The following HS6ST3 variants were observed in gnomAD, a reference collection of about 807,000 sequenced individuals.
HS6ST3 encodes the protein heparan-sulfate 6-O-sulfotransferase 3.
Under a neutral mutation model 36.7 loss-of-function variants are expected in HS6ST3, and 12 were observed. The ratio of observed to expected loss-of-function variants is 0.33; its 90% confidence interval spans 0.21 to 0.53. HS6ST3 has a LOEUF of 0.53. Among genes scored for constraint, HS6ST3 ranks in the 20% least tolerant of loss-of-function variants. The pLI, the probability that HS6ST3 is intolerant of heterozygous loss-of-function variation, is 0.95. For missense variants in HS6ST3, 584 were observed against 640.9 expected, an observed-to-expected ratio of 0.91 and a Z score of 0.96; for synonymous variants, 240 against 257.5, an observed-to-expected ratio of 0.93 and a Z score of 0.65.
chr13:96,203,910 T>C (rs1162084409), intron 1 of HS6ST3, among the ~76,000 whole-genome samples: 1 of 152,178 alleles, frequency 6.6e-6, no homozygotes, highest in East Asian at 1.9e-4. Flanking sequence ...AAGATTACTA[T>C]CTATTTGGTA....
chr13:96,416,586 G>C (rs946543296), intron 1 of HS6ST3, among the ~76,000 whole-genome samples: 1 of 151,742 alleles, frequency 6.6e-6, no homozygotes, highest in Non-Finnish European at 1.5e-5. Context: ...TCAATAAATT[G>C]ATTGATTGGA....
intron 1 of HS6ST3, among the ~76,000 whole-genome samples, chr13:96,124,004 G>A (rs2139307777): frequency 6.6e-6 from 1 of 152,296 alleles, no homozygotes; most frequent in Non-Finnish European, 1.5e-5. Context: ...TTATTGGAAT[G>A]TTAATCGTAT....
At chr13:96,618,221 C>T (rs2056481495) in intron 1 of HS6ST3, among the ~76,000 whole-genome samples, 1 of 152,090 alleles carries the variant, frequency 6.6e-6, no homozygotes. Flanking sequence ...CTCACAGCCT[C>T]CTGAGTGGCT....
At chr13:96,442,235 AAC>A (rs1436333948) in intron 1 of HS6ST3, among the ~76,000 whole-genome samples, 2 of 152,170 alleles carry the variant, frequency 1.3e-5, no homozygotes, top group East Asian at 3.8e-4. Flanking sequence ...ACTGGTCTTG[AAC>A]TCCTGAGCTC....
At chr13:96,335,786 A>G (rs2055097859) in intron 1 of HS6ST3, among the ~76,000 whole-genome samples, 1 of 152,196 alleles carries the variant, frequency 6.6e-6, no homozygotes. Context: ...AATGGCTTGC[A>G]TATTTCACTG....
rs7325316 is a variant in HS6ST3, at chr13:96,300,280, C to G, written c.707+208711C>G. ...CCATGTTGGCCAGGCTGGTCTCAAACTCTTGACCTCAGGTGATCCACCCGT... is the reference window on the plus strand; with the variant it reads ...CCATGTTGGCCAGGCTGGTCTCAAAGTCTTGACCTCAGGTGATCCACCCGT... On this transcript the variant is annotated intron_variant, in intron 1 of 1. Transcript: ENST00000376705. Among the ~76,000 whole-genome samples the G allele has an allele frequency of 3.3e-3, 504 of 151,994 alleles. 4 individuals carry two copies. The highest frequency in any genetic ancestry group is 0.012 in the African/African-American group (483 of 41,428).
intron 1 of HS6ST3, among the ~76,000 whole-genome samples, chr13:96,279,618 T>TGGG (rs1430177638): frequency 1.3e-5 from 2 of 152,104 alleles, no homozygotes; most frequent in East Asian, 3.9e-4. Context: ...ACCATGGCCA[T>TGGG]TCTTATTAAA....
intron 1 of HS6ST3, among the ~76,000 whole-genome samples, chr13:96,263,853 A>G (rs116406846): frequency 0.011 from 1,748 of 152,334 alleles, 35 homozygotes; most frequent in African/African-American, 0.04. Context: ...TTGATTAACA[A>G]ATCCCTGGGA....
At chr13:96,694,928 C>T (rs514895) in intron 1 of HS6ST3, among the ~76,000 whole-genome samples, 2,270 of 152,136 alleles carry the variant, frequency 0.015, 55 homozygotes, top group African/African-American at 0.051. Flanking sequence ...ATTTTTACAG[C>T]GACATAGACA....
At chr13:96,362,578 G>A (rs1347336063) in intron 1 of HS6ST3, among the ~76,000 whole-genome samples, 2 of 152,132 alleles carry the variant, frequency 1.3e-5, no homozygotes, top group African/African-American at 4.8e-5. Context: ...CTTGCTGTGT[G>A]AATCTCACTG....
intron 1 of HS6ST3, among the ~76,000 whole-genome samples, chr13:96,575,637 G>A (rs1177382176): frequency 2.0e-5 from 3 of 152,196 alleles, no homozygotes; most frequent in African/African-American, 7.2e-5. Flanking sequence ...TAACAGGTTT[G>A]GAATCTTCAC....
At chr13:96,452,296 C>T (rs1463397463) in intron 1 of HS6ST3, among the ~76,000 whole-genome samples, 1 of 152,046 alleles carries the variant, frequency 6.6e-6, no homozygotes, top group Non-Finnish European at 1.5e-5. Context: ...AGTTTGTGCT[C>T]CAAACAAATG....
intron 1 of HS6ST3, among the ~76,000 whole-genome samples, chr13:96,701,207 T>A (rs1267299394): frequency 1.3e-5 from 2 of 152,196 alleles, no homozygotes; most frequent in Non-Finnish European, 1.5e-5. Flanking sequence ...AACATTTCTA[T>A]CATGACGACT....
intron 1 of HS6ST3, among the ~76,000 whole-genome samples, chr13:96,798,292 A>G (rs1263572314): frequency 6.6e-6 from 1 of 151,936 alleles, no homozygotes; most frequent in African/African-American, 2.4e-5. Context: ...GCTACATTAC[A>G]TGGGCCCAAT....
intron 1 of HS6ST3, among the ~76,000 whole-genome samples, chr13:96,654,758 T>C (rs1270568208): frequency 1.3e-5 from 2 of 152,266 alleles, no homozygotes; most frequent in Non-Finnish European, 2.9e-5. Flanking sequence ...AACTACTGCT[T>C]GTAAAAACTA....
At chr13:96,446,445 A>G (rs1345092063) in intron 1 of HS6ST3, among the ~76,000 whole-genome samples, 4 of 152,148 alleles carry the variant, frequency 2.6e-5, no homozygotes, top group Non-Finnish European at 5.9e-5. Context: ...AACTCTTTAT[A>G]TGTGCCAAGA....
At chr13:96,533,490 A>G (rs2056143718) in intron 1 of HS6ST3, among the ~76,000 whole-genome samples, 1 of 152,218 alleles carries the variant, frequency 6.6e-6, no homozygotes, top group Non-Finnish European at 1.5e-5. Flanking sequence ...ACAGAAGTCT[A>G]TTGAAAATCT....
intron 1 of HS6ST3, among the ~76,000 whole-genome samples, chr13:96,662,811 G>C (rs2056651007): frequency 6.6e-6 from 1 of 152,012 alleles, no homozygotes; most frequent in Non-Finnish European, 1.5e-5. Context: ...TTGAGAGTGT[G>C]ACTTTATATT....
At chr13:96,410,434 T>G (rs2055501575) in intron 1 of HS6ST3, among the ~76,000 whole-genome samples, 1 of 152,152 alleles carries the variant, frequency 6.6e-6, no homozygotes, top group East Asian at 1.9e-4. Context: ...AAAGCCATAA[T>G]GAGATATCTT....
Sources: allele counts gnomAD v4.1 joint callset (sites outside exome capture counted in the v4.1 genomes callset), GRCh38; gene constraint gnomAD v4.1.1; transcripts MANE v1.5; gene names NCBI Gene and HGNC (gene_info 2026-07-23, HGNC 2026-07-21).